The following GRAMD1B variants were observed in gnomAD, a reference collection of about 807,000 sequenced individuals.
The protein encoded by GRAMD1B is GRAM domain containing 1B, also known as protein Aster-B.
In GRAMD1B, 37 loss-of-function variants were observed where a neutral mutation model predicts 99.7. That is an observed-to-expected ratio of 0.37 (90% CI 0.29 to 0.49). GRAMD1B has a LOEUF of 0.49. Among genes scored for constraint, GRAMD1B ranks in the 20% least tolerant of loss-of-function variants. The pLI is 0.98. For synonymous variants in GRAMD1B, 427 were observed against 387.6 expected (o/e 1.10, Z -1.19); for missense variants, 888 against 1,009.2 (o/e 0.88, Z 1.63).
intron 2 of GRAMD1B, among the ~76,000 whole-genome samples, chr11:123,494,178 C>G (rs758616129): frequency 6.6e-6 from 1 of 152,150 alleles, no homozygotes; most frequent in Admixed American, 6.5e-5. Flanking sequence ...GTAAATGAAC[C>G]AATGAATAAC....
At chr11:123,386,284 G>A (rs1371556526) in intron 1 of GRAMD1B, among the ~76,000 whole-genome samples, 4 of 152,058 alleles carry the variant, frequency 2.6e-5, no homozygotes, top group Non-Finnish European at 5.9e-5. Context: ...TGATTTGTAG[G>A]GGTGGCTTCC....
chr11:123,378,126 G>A (rs1946752251), intron 1 of GRAMD1B, among the ~76,000 whole-genome samples: 1 of 152,232 alleles, frequency 6.6e-6, no homozygotes, highest in African/African-American at 2.4e-5. Flanking sequence ...CTGCACCAGG[G>A]AGGTAGTCGA....
intron 1 of GRAMD1B, among the ~76,000 whole-genome samples, chr11:123,448,362 C>CGT (rs1555121814): frequency 0.085 from 12,916 of 151,838 alleles, 1,616 homozygotes; most frequent in African/African-American, 0.28. Context: ...AAGCGATTCT[C>CGT]GTGTGTGCCA....
At chr11:123,569,229 T>C (rs1671260464) in intron 2 of GRAMD1B, among the ~76,000 whole-genome samples, 1 of 152,170 alleles carries the variant, frequency 6.6e-6, no homozygotes, top group Non-Finnish European at 1.5e-5. Context: ...TGTGGGTTTA[T>C]TTTCATGAGT....
At chr11:123,469,151 G>A (rs552775032) in intron 1 of GRAMD1B, among the ~76,000 whole-genome samples, 1 of 152,104 alleles carries the variant, frequency 6.6e-6, no homozygotes, top group East Asian at 1.9e-4. Flanking sequence ...AGTGGAGAGC[G>A]GAGGTGACGT....
intron 1 of GRAMD1B, among the ~76,000 whole-genome samples, chr11:123,437,318 A>G (rs985594858): frequency 2.0e-4 from 31 of 152,142 alleles, no homozygotes; most frequent in African/African-American, 7.5e-4. Context: ...GAGGATTGGA[A>G]CCCTTCTCTG....
intron 1 of GRAMD1B, among the ~76,000 whole-genome samples, chr11:123,457,745 C>T (rs181489630): frequency 6.6e-6 from 1 of 152,158 alleles, no homozygotes; most frequent in African/African-American, 2.4e-5. Context: ...GAGATGGGGT[C>T]TCACTCTATC....
At chr11:123,543,778 C>G (rs1024340904) in intron 2 of GRAMD1B, among the ~76,000 whole-genome samples, 1 of 152,234 alleles carries the variant, frequency 6.6e-6, no homozygotes, top group Admixed American at 6.5e-5. Context: ...CATCCTTTAT[C>G]TCAGGGGTCA....
intron 2 of GRAMD1B, among the ~76,000 whole-genome samples, chr11:123,566,196 T>A (rs1159042256): frequency 3.9e-5 from 6 of 152,166 alleles, no homozygotes; most frequent in Non-Finnish European, 7.3e-5. Flanking sequence ...GTTGTGATCG[T>A]GCAACAGACT....
chr11:123,608,320 C>T (rs1953025592), intron 11 of GRAMD1B: 1 of 622,228 alleles, frequency 1.6e-6, no homozygotes, highest in South Asian at 2.1e-5. Flanking sequence ...GTTTAGGCAA[C>T]TTCCAGAAGT....
At chr11:123,609,077 C>T (rs1953161146) in intron 12 of GRAMD1B, among the ~76,000 whole-genome samples, 1 of 152,094 alleles carries the variant, frequency 6.6e-6, no homozygotes, top group African/African-American at 2.4e-5. Context: ...CTGTCCCTCC[C>T]CTCACAGGGC....
intron 1 of GRAMD1B, among the ~76,000 whole-genome samples, chr11:123,370,908 A>T (rs1048073690): frequency 6.6e-6 from 1 of 152,048 alleles, no homozygotes; most frequent in African/African-American, 2.4e-5. Context: ...ATGTTTTGGG[A>T]AGGCTGGCAG....
chr11:123,610,385 T>G lies in GRAMD1B; in HGVS notation c.1919+47T>G. On this transcript the variant is annotated intron_variant, in intron 14 of 19. Coordinates refer to ENST00000635736, the MANE Select transcript of GRAMD1B (RefSeq NM_001387025.1). This position sits in a 1 kb window ranked among gnomAD's most constrained non-coding sequence, Gnocchi z 4.1. The stretch of plus-strand genomic sequence containing the variant: ...GTGCGGTCAGACGGGGGTCCTTACC[T>G]TAGAGAACATTCATTTGCTCCTGAC... 1 of 1,582,302 alleles carries G rather than the reference T, an allele frequency of 6.3e-7. No individual in the cohort carries two copies. The highest frequency in any genetic ancestry group is 8.7e-7 in the Non-Finnish European group (1 of 1,152,286).
At chr11:123,466,752 A>G (rs1398446716) in intron 1 of GRAMD1B, among the ~76,000 whole-genome samples, 1 of 152,196 alleles carries the variant, frequency 6.6e-6, no homozygotes, top group African/African-American at 2.4e-5. Context: ...AATTCTTACA[A>G]ACTTCAAGTT....
intron 1 of GRAMD1B, among the ~76,000 whole-genome samples, chr11:123,438,211 C>G (rs1317813686): frequency 6.6e-6 from 1 of 152,180 alleles, no homozygotes; most frequent in African/African-American, 2.4e-5. Context: ...TCCCCCCAGG[C>G]AGGTTTTCCA....
chr11:123,373,157 A>T (rs930998728), intron 1 of GRAMD1B, among the ~76,000 whole-genome samples: 8 of 152,302 alleles, frequency 5.3e-5, no homozygotes, highest in Middle Eastern at 3.4e-3. Context: ...ATATAAATAA[A>T]TAAAATAATG....
intron 1 of GRAMD1B, among the ~76,000 whole-genome samples, chr11:123,385,433 T>A (rs1019810694): frequency 6.6e-6 from 1 of 152,210 alleles, no homozygotes; most frequent in Non-Finnish European, 1.5e-5. Flanking sequence ...CTGTGTAAAT[T>A]CTTTAACATC....
intron 1 of GRAMD1B, among the ~76,000 whole-genome samples, chr11:123,359,273 T>G (rs1038067679): frequency 2.6e-5 from 3 of 114,664 alleles, no homozygotes; most frequent in Admixed American, 8.4e-5. Context: ...CCATCAGTCT[T>G]ACGCCTATTC....
At chr11:123,517,498 G>A (rs553420933) in intron 2 of GRAMD1B, among the ~76,000 whole-genome samples, 11 of 152,294 alleles carry the variant, frequency 7.2e-5, no homozygotes, top group Admixed American at 4.6e-4. Context: ...AACCTGATGG[G>A]TGCTTGTCAT....
Sources: allele counts gnomAD v4.1 joint callset (sites outside exome capture counted in the v4.1 genomes callset), GRCh38; gene constraint gnomAD v4.1.1; non-coding constraint Gnocchi (gnomAD v3.1); transcripts MANE v1.5; gene names NCBI Gene and HGNC (gene_info 2026-07-23, HGNC 2026-07-21).